The following PLA2G4F variants were observed in gnomAD, a reference collection of about 807,000 sequenced individuals.
PLA2G4F encodes the protein cytosolic phospholipase A2 zeta.
A neutral mutation model predicts 103.1 loss-of-function variants in PLA2G4F; 105 were observed. That is an observed-to-expected ratio of 1.02 (90% confidence interval 0.87 to 1.20). PLA2G4F has a LOEUF of 1.20. Among genes scored for constraint, PLA2G4F ranks in the 50% most tolerant of loss-of-function variants. PLA2G4F has a pLI of 0.00. For synonymous variants in PLA2G4F, 468 were observed against 441.1 expected, an observed-to-expected ratio of 1.06 and a Z score of -0.76; for missense variants, 1,155 against 1,075.9, an observed-to-expected ratio of 1.07 and a Z score of -1.03.
chr15:42,153,467 C>T, intron 5 of PLA2G4F, 125 bp from the exon 6 acceptor site: 1 of 1,466,638 alleles, frequency 6.8e-7, no homozygotes, highest in African/African-American at 1.4e-5. Context: ...GTGGGGCGAG[C>T]CTGCCGCCCA....
At position 42,150,135 on chromosome 15, in the gene PLA2G4F, C is replaced by G; in HGVS notation, c.892G>C (p.Glu298Gln). ...TCCACCTTCATGCTCAGAGCCACCT[C>G]CTGGCCCTGAAAGACACAGCAGCCC... is the stretch of plus-strand genomic sequence containing the variant. ...QCSVALGEGQ[E>Q]VALSMKVEMS... The change falls in exon 10 of 20, where the codon GAG (glutamate) becomes CAG (glutamine). Residue 298 changes from glutamate (E) to glutamine (Q), a missense_variant. By Grantham distance (29) the Glu-to-Gln change is conservative. Around this residue, in one of 3 missense-constraint regions of PLA2G4F, gnomAD observed 370 missense variants for 364.9 expected, o/e 1.01. Coordinates refer to ENST00000397272, the MANE Select transcript of PLA2G4F (RefSeq NM_213600.4). 1 of 1,614,182 alleles carries G rather than the reference C, an allele frequency of 6.2e-7. No individual in the cohort carries two copies. Among genetic ancestry groups the G allele is most frequent in the Non-Finnish European group, 8.5e-7 (1 of 1,180,020 alleles).
intron 1 of PLA2G4F, 130 bp from the exon 2 acceptor site, chr15:42,155,719 G>T: frequency 1.1e-6 from 1 of 874,632 alleles, no homozygotes; most frequent in Admixed American, 2.1e-5. Context: ...CCGGGGAGCA[G>T]GGAGACCTTG....
rs1399186019 is a variant in PLA2G4F, at chr15:42,141,457, C to T, written c.*527G>A. ...AGGATGATGGAGTCAGCAACATAGG[C>T]TGGCCATCCCCTCAGCCCCTCATTG... On this transcript the variant is annotated 3_prime_UTR_variant, in exon 20 of 20. Coordinates refer to ENST00000397272, the MANE Select transcript of PLA2G4F (RefSeq NM_213600.4). 5.9e-5 allele frequency: 26 copies of T among 441,960 alleles called. No individual in the cohort carries two copies. The highest frequency in any genetic ancestry group is 8.7e-5 in the Non-Finnish European group (19 of 218,936). 27.4% of individuals were successfully genotyped at this position (441,960 alleles called of 1,614,324 possible). A position where few individuals can be genotyped will look rare whatever the true frequency, so the allele number is the denominator to read the frequency against.
intron 19 of PLA2G4F, among the ~76,000 whole-genome samples, 161 bp downstream of exon 19, chr15:42,142,367 T>TCTGAA (rs2048834204): frequency 1.3e-5 from 2 of 152,136 alleles, no homozygotes; most frequent in Non-Finnish European, 2.9e-5. Flanking sequence ...GCTGGCCCCA[T>TCTGAA]CTGAACGCTG....
chr15:42,148,181 CAAA>C (rs59009245), intron 11 of PLA2G4F, among the ~76,000 whole-genome samples: 17 of 85,710 alleles, frequency 2.0e-4, no homozygotes, highest in East Asian at 3.6e-4. Context: ...GACTCCGTCT[CAAA>C]AAAAAAAAAA....
In PLA2G4F at chr15:42,149,400, G is replaced by A. The variant is rs1041820588; in HGVS notation, c.1059+313C>T. The A allele has an allele frequency of 4.9e-6, 4 of 812,702 alleles. No homozygotes were observed. In the African/African-American group the frequency reaches 7.6e-5, roughly 15 times the overall value. 50.3% of individuals were successfully genotyped at this position (812,702 alleles called of 1,614,324 possible). On this transcript the variant is annotated intron_variant, in intron 11 of 19. Coordinates refer to ENST00000397272, the MANE Select transcript of PLA2G4F (RefSeq NM_213600.4). The stretch of plus-strand genomic sequence containing the variant: ...CACCAGGAAGAGGAGAGGGAACCCA[G>A]CAGAAACCAACCCTGATGATGACAC...
chr15:42,152,612 G>A (rs889662528), intron 7 of PLA2G4F, 76 bp downstream of exon 7: 9 of 1,459,734 alleles, frequency 6.2e-6, no homozygotes, highest in Middle Eastern at 1.7e-4. Context: ...TCCTGCCCCA[G>A]ACCCACCTCC....
rs2048876791 is a variant in PLA2G4F at position 42,145,748 on chromosome 15, C to T, written c.1672+18G>A. 1.2e-6 allele frequency: 2 copies of T among 1,613,804 alleles called. No homozygotes were observed. The highest frequency in any genetic ancestry group is 1.3e-5 in the African/African-American group (1 of 74,938). ...GCCCCGGCACCTGCCTGTCCCCAGCCCTCCAGCCTCGACTCACCTTGCAGG... is the reference window on the plus strand; with the variant it reads ...GCCCCGGCACCTGCCTGTCCCCAGCTCTCCAGCCTCGACTCACCTTGCAGG... On this transcript the variant is annotated intron_variant, in intron 15 of 19. Coordinates refer to ENST00000397272, the MANE Select transcript of PLA2G4F (RefSeq NM_213600.4).
At chr15:42,147,801 C>T (rs2048910340) in intron 11 of PLA2G4F, 39 bp from the exon 12 acceptor site, 2 of 1,610,122 alleles carry the variant, frequency 1.2e-6, no homozygotes, top group African/African-American at 2.7e-5. Context: ...CTCCGACTAC[C>T]ACCGTCATTG....
chr15:42,141,525 G>T lies in PLA2G4F; in HGVS notation c.*459C>A. On this transcript the variant is annotated 3_prime_UTR_variant, in exon 20 of 20. Coordinates refer to ENST00000397272, the MANE Select transcript of PLA2G4F (RefSeq NM_213600.4). ...TCCAGGAGCTCGAGGTGGGGTTGGG[G>T]CTTGGGCCGCTCTGCAGGAAGTGTG... 2.2e-6 allele frequency: 1 copy of T among 450,282 alleles called. No individual in the cohort carries two copies. Among genetic ancestry groups the T allele is most frequent in the Non-Finnish European group, 4.5e-6 (1 of 224,256 alleles). The allele number at this position is 450,282 out of a possible 1,614,324, so 27.9% of individuals were successfully genotyped here.
chr15:42,146,982 TCA>T, intron 13 of PLA2G4F, 140 bp downstream of exon 13: 1 of 805,838 alleles, frequency 1.2e-6, no homozygotes, highest in Non-Finnish European at 1.9e-6. Flanking sequence ...CACCCTGGAG[TCA>T]CACTCCTGGC....
At position 42,142,669 on chromosome 15, in the gene PLA2G4F, AG is replaced by A. The variant is rs763751858; in HGVS notation, c.2187del (p.Phe730SerfsTer73). On this transcript the variant is annotated frameshift_variant, in exon 19 of 20. Transcript: ENST00000397272. LOFTEE classifies it high-confidence loss of function. ...TCAGGGCCCACCTCGATGCTAGGGAAGGGGATTCCTCGGTCCAGGCAGTACT... is the reference window on the plus strand; with the variant it reads ...TCAGGGCCCACCTCGATGCTAGGGAAGGGATTCCTCGGTCCAGGCAGTACT... Reference protein sequence around the residue: ...TEKYCLDRGIPFPSIEVGPED... With the variant: ...TEKYCLDRGIXFPSIEVGPED... 3.1e-6 allele frequency: 5 copies of A among 1,613,980 alleles called. No homozygotes were observed. The highest frequency in any genetic ancestry group is 4.2e-6 in the Non-Finnish European group (5 of 1,180,008).
Position 42,154,074 on chromosome 15 carries a change from C to T in PLA2G4F, c.450+18G>A, listed in dbSNP as rs369945871. 16 of 1,614,016 alleles carry T rather than the reference C, an allele frequency of 9.9e-6. No individual in the cohort carries two copies. In the South Asian group the frequency reaches 1.6e-4, roughly 17 times the overall value. On this transcript the variant is annotated intron_variant, in intron 4 of 19. Coordinates refer to ENST00000397272, the MANE Select transcript of PLA2G4F (RefSeq NM_213600.4). ...CCCCTCCTCCAGCTGGGCTCTCCGC[C>T]AGCACTGGTGGGCTCACCTGGTGGT...
chr15:42,140,041 G>C lies in PLA2G4F; in HGVS notation c.*1943C>G, dbSNP rs756596165. The C allele has an allele frequency of 6.6e-6, 1 of 152,222 alleles. No individual in the cohort carries two copies. The highest frequency in any genetic ancestry group is 1.5e-5 in the Non-Finnish European group (1 of 68,050). The allele number at this position is 152,222 out of a possible 1,614,324, so 9.4% of individuals were successfully genotyped here. ...TGTAAGCAACTTTTCATGTGTGTGT[G>C]TATGCCTTTTTCTTGGGAGAGGGTC... is the stretch of plus-strand genomic sequence containing the variant. On this transcript the variant is annotated 3_prime_UTR_variant, in exon 20 of 20. Coordinates refer to ENST00000397272, the MANE Select transcript of PLA2G4F (RefSeq NM_213600.4).
At chr15:42,147,462 C>A in intron 12 of PLA2G4F, 116 bp from the exon 13 acceptor site, 1 of 1,374,606 alleles carries the variant, frequency 7.3e-7, no homozygotes, top group Non-Finnish European at 1.0e-6. Flanking sequence ...GCCCTGCAAA[C>A]AACCCAACTC....
rs1195429397 is a variant in PLA2G4F at position 42,144,015 on chromosome 15, A to G, written c.2105T>C (p.Ile702Thr). Reference protein sequence around the residue: ...ALLPQRAVDLILSFDYSLEAP... With the variant: ...ALLPQRAVDLTLSFDYSLEAP... ...TTCCAAGGAATAGTCAAAGGACAGA[A>G]TGAGGTCCACTGCTCTCTGAGGCAG... The change falls in exon 18 of 20, where the codon ATT becomes ACT. Residue 702 changes from isoleucine to threonine, a missense_variant. This residue lies in a region of PLA2G4F where 782 missense variants were observed against 692.9 expected (regional missense o/e 1.13). Transcript: ENST00000397272. 6.2e-7 allele frequency: 1 copy of G among 1,613,748 alleles called. No homozygotes were observed. The highest frequency in any genetic ancestry group is 1.7e-5 in the Admixed American group (1 of 59,966).
At chr15:42,153,273 A>G (rs1432721467) in intron 6 of PLA2G4F, 27 bp downstream of exon 6, 2 of 1,611,980 alleles carry the variant, frequency 1.2e-6, no homozygotes, top group Non-Finnish European at 1.7e-6. Context: ...AGCCCAGAAC[A>G]GCGCCAAGCT....
chr15:42,147,110 G>C lies in PLA2G4F; in HGVS notation c.1419+14C>G. 6.2e-7 allele frequency: 1 copy of C among 1,608,122 alleles called. No individual in the cohort carries two copies. The highest frequency in any genetic ancestry group is 8.5e-7 in the Non-Finnish European group (1 of 1,176,860). On this transcript the variant is annotated intron_variant, in intron 13 of 19. Coordinates refer to ENST00000397272, the MANE Select transcript of PLA2G4F (RefSeq NM_213600.4). ...GAGAGGAGCCTACGTATTTCCTTCT[G>C]GCTCTTCTCTCACCTCCTGGTACAG...
rs749775491 is a variant in PLA2G4F, at chr15:42,150,635, C to G, written c.744G>C (p.Glu248Asp). 28 of 1,612,230 alleles carry G rather than the reference C, an allele frequency of 1.7e-5. No homozygotes were observed. In the South Asian group the frequency reaches 2.0e-4, roughly 11 times the overall value. Reference sequence around the variant, plus strand: ...GCACAGCTGCCAGCAGCTCCATCAGCTCCACGTGTAGCCTGGAGCTCAGCA... The same window carrying G: ...GCACAGCTGCCAGCAGCTCCATCAGGTCCACGTGTAGCCTGGAGCTCAGCA... ...NPVLSSRLHV[E>D]LMELLAAVQS... is the part of the protein sequence containing the mutation. Residue 248 changes from glutamate to aspartate, a missense_variant, in exon 8 of 20, where the codon GAG (glutamate) becomes GAC (aspartate). By Grantham distance (45) the Glu-to-Asp change is conservative. This residue lies in a region of PLA2G4F where 370 missense variants were observed against 364.9 expected (regional missense o/e 1.01). Transcript: ENST00000397272.
Sources: allele counts gnomAD v4.1 joint callset (sites outside exome capture counted in the v4.1 genomes callset), GRCh38; gene constraint gnomAD v4.1.1; regional missense constraint gnomAD v4.1.1; transcripts MANE v1.5; gene names NCBI Gene and HGNC (gene_info 2026-07-23, HGNC 2026-07-21).